Variants in NACC2 observed in about 807,000 individuals in gnomAD.
NACC2 encodes nucleus accumbens-associated protein 2.
A neutral mutation model predicts 25.1 loss-of-function variants in NACC2; 8 were observed. The observed-to-expected ratio is 0.32, with a 90% confidence interval of 0.19 to 0.57. NACC2 has a LOEUF of 0.57. Ranked by LOEUF, NACC2 falls within the 20% of genes least tolerant of loss-of-function variation. NACC2 has a pLI of 0.89. For missense variants in NACC2, 644 were observed against 650.2 expected (o/e 0.99, Z 0.10); for synonymous variants, 435 against 294.7 (o/e 1.48, Z -4.88).
rs374880013 is a variant in NACC2 at position 136,011,966 on chromosome 9, C to G, written c.1314G>C (p.Ala438=). The change falls in exon 6 of 6, where the codon GCG becomes GCC. Residue 438 remains alanine, a synonymous_variant. Transcript: ENST00000277554. ...FKESEMNVIA[A]DMCTNARRVR... Reference sequence around the variant, plus strand: ...CGCGGCGGGCGTTGGTGCACATGTCCGCGGCGATCACGTTCATCTCGCTCT... The same window carrying G: ...CGCGGCGGGCGTTGGTGCACATGTCGGCGGCGATCACGTTCATCTCGCTCT... 1.2e-6 allele frequency: 2 copies of G among 1,606,380 alleles called. No homozygotes were observed. The highest frequency in any genetic ancestry group is 1.7e-5 in the Admixed American group (1 of 59,632).
At position 136,011,567 on chromosome 9, in the gene NACC2, C is replaced by T. The variant is rs764990519; in HGVS notation, c.1713G>A (p.Thr571=). ...CCGGCCTCCGGGCCGCGGCCGCCGGCGTCTGGGGCCTGCTGGGGCCGCCCC... is the reference window on the plus strand; with the variant it reads ...CCGGCCTCCGGGCCGCGGCCGCCGGTGTCTGGGGCCTGCTGGGGCCGCCCC... ...QGGGGPSRPQ[T]PAAAARRPEG... The change falls in exon 6 of 6, where the codon ACG becomes ACA. Residue 571 remains threonine, a synonymous_variant. Coordinates refer to ENST00000277554, the MANE Select transcript of NACC2 (RefSeq NM_144653.5). 85 of 1,408,978 alleles carry T rather than the reference C, an allele frequency of 6.0e-5. No individual in the cohort carries two copies. In the East Asian group the frequency reaches 7.5e-4, roughly 12 times the overall value. The allele number at this position is 1,408,978 out of a possible 1,614,324, so 87.3% of individuals were successfully genotyped here. A position where few individuals can be genotyped will look rare whatever the true frequency, so the allele number is the denominator to read the frequency against.
chr9:136,051,580 C>T (rs1462832004), intron 1 of NACC2, among the ~76,000 whole-genome samples: 1 of 150,934 alleles, frequency 6.6e-6, no homozygotes, highest in East Asian at 2.0e-4. Context: ...CGCTGTGTCC[C>T]ACGGGAGGAA....
In NACC2 at chr9:136,018,923, C is replaced by T. The variant is rs1351107051; in HGVS notation, c.887-2494G>A. 1.3e-5 allele frequency among the ~76,000 whole-genome samples: 2 copies of T among 152,270 alleles called. No individual in the cohort carries two copies. Among genetic ancestry groups the T allele is most frequent in the African/African-American group, 4.8e-5 (2 of 41,548 alleles). On this transcript the variant is annotated intron_variant, in intron 2 of 5. Coordinates refer to ENST00000277554, the MANE Select transcript of NACC2 (RefSeq NM_144653.5). The surrounding 1 kb of genome is among the most constrained non-coding windows in gnomAD (Gnocchi z 4.4). ...TTCCCCATCCACAACCACCTCGTCT[C>T]GAGATGTTTTTCTAAACAGCAGAAG...
At chr9:136,068,407 G>C (rs1319762974) in intron 1 of NACC2, among the ~76,000 whole-genome samples, 1 of 150,030 alleles carries the variant, frequency 6.7e-6, no homozygotes, top group East Asian at 1.9e-4. Context: ...GCTGAGGCAG[G>C]AGGATCGCTT....
chr9:136,094,576 G>GC (rs1490340643), intron 1 of NACC2, among the ~76,000 whole-genome samples: 8 of 152,166 alleles, frequency 5.3e-5, no homozygotes, highest in African/African-American at 1.9e-4. Context: ...AAGAGGCAGA[G>GC]CCCCCTCCCC....
intron 5 of NACC2, among the ~76,000 whole-genome samples, chr9:136,012,660 T>G (rs937667466): frequency 6.6e-6 from 1 of 151,692 alleles, no homozygotes; most frequent in Admixed American, 6.5e-5. Context: ...AGGTTTTTTT[T>G]TTTTTTTTTT....
In NACC2 at chr9:136,095,196, C is replaced by T. The variant is rs1830478060; in HGVS notation, c.-67G>A. ...GCGCCAAGTTGGCGGTACCTGCGGG[C>T]GCCCGGCCCGGTCCGGCCTGGGCAG... On this transcript the variant is annotated 5_prime_UTR_variant, in exon 1 of 6. Coordinates refer to ENST00000277554, the MANE Select transcript of NACC2 (RefSeq NM_144653.5). 6.8e-6 allele frequency: 1 copy of T among 146,988 alleles called. No homozygotes were observed. Among genetic ancestry groups the T allele is most frequent in the Non-Finnish European group, 1.5e-5 (1 of 66,016 alleles). 9.1% of individuals were successfully genotyped at this position (146,988 alleles called of 1,614,324 possible).
intron 2 of NACC2, among the ~76,000 whole-genome samples, chr9:136,044,268 C>CT (rs1295612144): frequency 5.1e-4 from 78 of 152,282 alleles, no homozygotes; most frequent in Admixed American, 1.7e-3. Context: ...GTAATCGCAG[C>CT]TTTTTGGGAG....
At chr9:136,064,420 A>G (rs1841055855) in intron 1 of NACC2, among the ~76,000 whole-genome samples, 2 of 152,230 alleles carry the variant, frequency 1.3e-5, no homozygotes, top group African/African-American at 4.8e-5. Context: ...TGAACAACCT[A>G]AAAATAAAAT....
Position 136,057,248 on chromosome 9 carries a change from C to G in NACC2, c.-59-6668G>C, listed in dbSNP as rs528731711. Among the ~76,000 whole-genome samples, 4 of 152,344 alleles carry G rather than the reference C, an allele frequency of 2.6e-5. No individual in the cohort carries two copies. In the South Asian group the frequency reaches 8.3e-4, roughly 32 times the overall value. ...CACCTGAGGCATGGCCCCTGGCCAC[C>G]AACACGCTCATCTCTAACCTTCACT... is the stretch of plus-strand genomic sequence containing the variant. On this transcript the variant is annotated intron_variant, in intron 1 of 5. Coordinates refer to ENST00000277554, the MANE Select transcript of NACC2 (RefSeq NM_144653.5).
intron 1 of NACC2, among the ~76,000 whole-genome samples, chr9:136,069,480 C>T (rs1272326072): frequency 6.6e-6 from 1 of 151,322 alleles, no homozygotes; most frequent in Non-Finnish European, 1.5e-5. Context: ...AACCAGAAGG[C>T]GGAGGTTGCA....
rs1430302806 is a variant in NACC2, at chr9:136,013,378, G to GC, written c.1158-83dup. 7.7e-7 allele frequency: 1 copy of GC among 1,300,772 alleles called. No individual in the cohort carries two copies. Among genetic ancestry groups the GC allele is most frequent in the Non-Finnish European group, 1.1e-6 (1 of 921,036 alleles). 80.6% of individuals were successfully genotyped at this position (1,300,772 alleles called of 1,614,324 possible). ...GGCGACCCGCCCGCACGAATGCCCT[G>GC]CTGGGAGGCCACTTGGCCTCACCCT... On this transcript the variant is annotated intron_variant, in intron 4 of 5. Coordinates refer to ENST00000277554, the MANE Select transcript of NACC2 (RefSeq NM_144653.5). The surrounding 1 kb of genome is among the most constrained non-coding windows in gnomAD (Gnocchi z 6.6).
intron 2 of NACC2, among the ~76,000 whole-genome samples, chr9:136,021,727 TAA>T (rs915489115): frequency 2.6e-4 from 40 of 152,220 alleles, no homozygotes; most frequent in African/African-American, 9.6e-4. Flanking sequence ...GGCATGCAGA[TAA>T]AGACACTGTG....
At chr9:136,054,838 C>T (rs1286951331) in intron 1 of NACC2, among the ~76,000 whole-genome samples, 1 of 152,178 alleles carries the variant, frequency 6.6e-6, no homozygotes, top group African/African-American at 2.4e-5. Flanking sequence ...TTACCCCAGC[C>T]ATCCTCAGGG....
chr9:136,094,024 G>T (rs1463042446), intron 1 of NACC2, among the ~76,000 whole-genome samples: 1 of 152,262 alleles, frequency 6.6e-6, no homozygotes, highest in Non-Finnish European at 1.5e-5. Context: ...TGGCAGGAGA[G>T]TGCGGCCGCG....
intron 2 of NACC2, among the ~76,000 whole-genome samples, chr9:136,024,327 AGTGTGTGTGTGTG>A (rs1840349461): frequency 9.1e-6 from 1 of 110,236 alleles, no homozygotes; most frequent in Admixed American, 9.5e-5. Flanking sequence ...GTGAGGACAG[AGTGTGTGTGTGTG>A]AGGACAGAGT....
In NACC2 at chr9:136,006,771, A is replaced by T. The variant is rs1288538761; in HGVS notation, c.*4745T>A. ...GACTCTACCGAGTAACAGCACAAAA[A>T]CAGAGTGAGGGCTCAGGAAAACAAA... On this transcript the variant is annotated 3_prime_UTR_variant, in exon 6 of 6. Coordinates refer to ENST00000277554, the MANE Select transcript of NACC2 (RefSeq NM_144653.5). The T allele has an allele frequency of 6.6e-6, 1 of 152,092 alleles. No individual in the cohort carries two copies. The highest frequency in any genetic ancestry group is 2.4e-5 in the African/African-American group (1 of 41,394). 9.4% of individuals were successfully genotyped at this position (152,092 alleles called of 1,614,324 possible).
In NACC2 at chr9:136,006,915, C is replaced by G. The variant is rs948718451; in HGVS notation, c.*4601G>C. ...CAGCACAGGAAAATTTATTTTTTAACAGTCGTGAGTTACAGTACTTTAACC... is the reference window on the plus strand; with the variant it reads ...CAGCACAGGAAAATTTATTTTTTAAGAGTCGTGAGTTACAGTACTTTAACC... On this transcript the variant is annotated 3_prime_UTR_variant, in exon 6 of 6. Coordinates refer to ENST00000277554, the MANE Select transcript of NACC2 (RefSeq NM_144653.5). 1 of 152,446 alleles carries G rather than the reference C, an allele frequency of 6.6e-6. No homozygotes were observed. The highest frequency in any genetic ancestry group is 1.5e-5 in the Non-Finnish European group (1 of 68,178). 9.4% of individuals were successfully genotyped at this position (152,446 alleles called of 1,614,324 possible).
At chr9:136,030,693 GCT>G (rs1840460433) in intron 2 of NACC2, among the ~76,000 whole-genome samples, 1 of 152,054 alleles carries the variant, frequency 6.6e-6, no homozygotes, top group South Asian at 2.1e-4. Flanking sequence ...TGGCAGTCTC[GCT>G]CTGTCACCCA....
Sources: gnomAD v4.1 joint callset for allele counts (sites outside exome capture counted in the v4.1 genomes callset) on GRCh38, gnomAD v4.1.1 for gene constraint, Gnocchi (gnomAD v3.1) non-coding constraint, MANE v1.5 for transcripts, NCBI Gene and HGNC (gene_info 2026-07-23, HGNC 2026-07-21) for gene names.